Variants in PCDHGA4 observed in about 807,000 individuals in gnomAD.
PCDHGA4 encodes the protein protocadherin gamma-A4.
PCDHGA4 carries 38 observed loss-of-function variants against 54.6 expected under a neutral mutation model. The ratio of observed to expected loss-of-function variants is 0.70; its 90% confidence interval spans 0.54 to 0.91. The LOEUF (loss-of-function observed/expected upper bound fraction) is 0.91, where lower values mean the gene tolerates loss of function less well. Among genes scored for constraint, PCDHGA4 ranks in the 40% least tolerant of loss-of-function variants. The probability of loss-of-function intolerance (pLI) is 0.00; values close to 1 mark genes in which losing one functional copy is unlikely to be tolerated. For synonymous variants in PCDHGA4, 511 were observed against 512.9 expected (o/e 1.00, Z 0.05); for missense variants, 1,298 against 1,220.9 (o/e 1.06, Z -0.94).
intron 1 of PCDHGA4, chr5:141,413,173 A>G: frequency 6.2e-7 from 1 of 1,600,856 alleles, no homozygotes; most frequent in African/African-American, 1.3e-5. Context: ...TAACCAGACT[A>G]CAATGGCCGC....
At position 141,477,742 on chromosome 5, in the gene PCDHGA4, G is replaced by C; in HGVS notation, c.2515-17065G>C. 2 of 1,613,800 alleles carry C rather than the reference G, an allele frequency of 1.2e-6. No individual in the cohort carries two copies. Among genetic ancestry groups the C allele is most frequent in the Non-Finnish European group, 1.7e-6 (2 of 1,180,030 alleles). ...AATTAACAGCTCATATCAGCGATGG[G>C]GGCACCCCGGTCCTAGCCACCAACA... On this transcript the variant is annotated intron_variant, in intron 1 of 3. Coordinates refer to ENST00000571252, the MANE Select transcript of PCDHGA4 (RefSeq NM_018917.4). The surrounding 1 kb of genome is among the most constrained non-coding windows in gnomAD (Gnocchi z 4.9).
intron 1 of PCDHGA4, among the ~76,000 whole-genome samples, chr5:141,472,071 A>G (rs1243864250): frequency 6.6e-6 from 1 of 152,200 alleles, no homozygotes. Context: ...GTCTGTGGTT[A>G]TATCAATGAG....
intron 1 of PCDHGA4, among the ~76,000 whole-genome samples, chr5:141,369,204 G>A (rs970193289): frequency 3.3e-5 from 5 of 152,182 alleles, no homozygotes; most frequent in Non-Finnish European, 7.4e-5. Context: ...ATGGTAAACT[G>A]GGGACCAAGG....
intron 1 of PCDHGA4, chr5:141,393,778 A>G (rs756686929): frequency 1.2e-5 from 20 of 1,613,954 alleles, no homozygotes; most frequent in Non-Finnish European, 1.7e-5. Flanking sequence ...ATACAAGCCG[A>G]AGATGTGGGG....
rs116187844 is a variant in PCDHGA4, at chr5:141,424,198, C to T, written c.2514+66577C>T. The T allele has an allele frequency of 8.5e-3, 1,543 of 182,010 alleles. 28 individuals are homozygous for T. Among genetic ancestry groups the T allele is most frequent in the African/African-American group, 0.035 (1,445 of 41,852 alleles). The allele number at this position is 182,010 out of a possible 1,614,324, so 11.3% of individuals were successfully genotyped here. ...ATACACATGCACACACACTTATACA[C>T]GTAAGCTTTTCTCTGAGCAATTTTA... On this transcript the variant is annotated intron_variant, in intron 1 of 3. Coordinates refer to ENST00000571252, the MANE Select transcript of PCDHGA4 (RefSeq NM_018917.4).
chr5:141,394,808 T>G lies in PCDHGA4; in HGVS notation c.2514+37187T>G, dbSNP rs534137630. The G allele has an allele frequency of 9.9e-6, 16 of 1,613,872 alleles. No individual in the cohort carries two copies. The East Asian group carries it at 3.6e-4, about 36-fold the overall frequency. On this transcript the variant is annotated intron_variant, in intron 1 of 3. Coordinates refer to ENST00000571252, the MANE Select transcript of PCDHGA4 (RefSeq NM_018917.4). ...CTGTCACGCTCACCGTAGCCGTGGC[T>G]GACAGCATCCCCGAAGTCCTGACCG...
intron 1 of PCDHGA4, chr5:141,361,703 A>T: frequency 6.2e-7 from 1 of 1,613,388 alleles, no homozygotes; most frequent in Non-Finnish European, 8.5e-7. Context: ...TTCGATCATG[A>T]GCAGCTGCGC....
chr5:141,381,835 T>TCTTTCTTCTTC (rs1561589443), intron 1 of PCDHGA4, among the ~76,000 whole-genome samples: 174 of 141,116 alleles, frequency 1.2e-3, no homozygotes, highest in African/African-American at 4.6e-3. Flanking sequence ...TCTTTTTTTT[T>TCTTTCTTCTTC]TTTTTTTTTT....
rs566838507 is a variant in PCDHGA4, at chr5:141,415,047, G to T, written c.2514+57426G>T. ...GCGAGCCGGGACTCTTCGCGGTGGG[G>T]GAGCACACGGGCGAGGTGCGCACGG... On this transcript the variant is annotated intron_variant, in intron 1 of 3. Transcript: ENST00000571252. The T allele has an allele frequency of 4.2e-5, 67 of 1,613,220 alleles. 1 individual carries two copies. The Admixed American group carries it at 6.0e-4, about 14-fold the overall frequency.
rs1260935778 is a variant in PCDHGA4 at position 141,360,689 on chromosome 5, C to T, written c.2514+3068C>T. ...TACTTTGATCTCGCTGAGAAACAGA[C>T]TCCAGATGGTCGTAAATATCCTGAG... On this transcript the variant is annotated intron_variant, in intron 1 of 3. Transcript: ENST00000571252. 3 of 1,613,874 alleles carry T rather than the reference C, an allele frequency of 1.9e-6. No homozygotes were observed. The African/African-American group carries it at 4.0e-5, about 22-fold the overall frequency.
At chr5:141,505,106 G>A (rs934779049) in intron 2 of PCDHGA4, among the ~76,000 whole-genome samples, 1 of 152,188 alleles carries the variant, frequency 6.6e-6, no homozygotes, top group Non-Finnish European at 1.5e-5. Context: ...ATGTTGCAAT[G>A]AGCCAAGATC....
Position 141,356,760 on chromosome 5 carries a change from C to T in PCDHGA4, c.1653C>T (p.Phe551=). ...NTGILYALCS[F]DYEQFRDLQL... ...GGATCCTATATGCTCTTTGCTCCTT[C>T]GACTATGAGCAGTTTAGAGACCTGC... The change falls in exon 1 of 4, where the codon TTC becomes TTT. Residue 551 remains phenylalanine (F), a synonymous_variant. Transcript: ENST00000571252. 1.9e-6 allele frequency: 3 copies of T among 1,613,850 alleles called. No individual in the cohort carries two copies. Among genetic ancestry groups the T allele is most frequent in the Non-Finnish European group, 2.5e-6 (3 of 1,179,752 alleles).
chr5:141,501,335 C>CA (rs2099808433), intron 2 of PCDHGA4, among the ~76,000 whole-genome samples: 1 of 135,634 alleles, frequency 7.4e-6, no homozygotes, highest in Non-Finnish European at 1.6e-5. Context: ...ACACACACAC[C>CA]CCAAACTCAA....
intron 1 of PCDHGA4, chr5:141,389,274 C>T (rs183257097): frequency 1.2e-6 from 2 of 1,614,032 alleles, no homozygotes; most frequent in Non-Finnish European, 8.5e-7. Flanking sequence ...CGAGAACAAC[C>T]CGCCTGGAGC....
intron 1 of PCDHGA4, chr5:141,375,893 C>G (rs1156930577): frequency 5.0e-6 from 8 of 1,613,804 alleles, no homozygotes; most frequent in Non-Finnish European, 5.1e-6. Flanking sequence ...GAACGCCTGG[C>G]TGTCCTACCG....
At chr5:141,382,720 T>A in intron 1 of PCDHGA4, 2 of 480,118 alleles carry the variant, frequency 4.2e-6, no homozygotes, top group South Asian at 6.2e-5. Flanking sequence ...AACCACCGAG[T>A]TTTACAGCAC....
intron 1 of PCDHGA4, chr5:141,374,413 C>A (rs773364230): frequency 3.1e-6 from 5 of 1,613,972 alleles, no homozygotes; most frequent in Non-Finnish European, 3.4e-6. Flanking sequence ...ACATCCTTGT[C>A]GAGGATAAAC....
At chr5:141,510,431 G>A (rs912708135) in intron 3 of PCDHGA4, among the ~76,000 whole-genome samples, 9 of 152,132 alleles carry the variant, frequency 5.9e-5, no homozygotes, top group African/African-American at 1.9e-4. Flanking sequence ...TTTCATGGCT[G>A]CTGCCCTCCA....
chr5:141,370,306 C>T (rs1766802284), intron 1 of PCDHGA4: 1 of 1,215,888 alleles, frequency 8.2e-7, no homozygotes, highest in Non-Finnish European at 1.1e-6. Context: ...AAAGACAAAG[C>T]AAATAGTTGG....
Sources: allele counts gnomAD v4.1 joint callset (sites outside exome capture counted in the v4.1 genomes callset), GRCh38; gene constraint gnomAD v4.1.1; non-coding constraint Gnocchi (gnomAD v3.1); transcripts MANE v1.5; gene names NCBI Gene and HGNC (gene_info 2026-07-23, HGNC 2026-07-21).